The following TMC2 variants were observed in gnomAD, a reference collection of about 807,000 sequenced individuals.
TMC2 encodes the protein transmembrane channel like 2.
A neutral mutation model predicts 105.9 loss-of-function variants in TMC2; 102 were observed. The observed-to-expected ratio is 0.96, with a 90% confidence interval of 0.82 to 1.14. TMC2 has a LOEUF of 1.14. Among genes scored for constraint, TMC2 ranks in the 50% most tolerant of loss-of-function variants. The probability of loss-of-function intolerance (pLI) is 0.00; values close to 1 mark genes in which losing one functional copy is unlikely to be tolerated. For missense variants in TMC2, 1,093 were observed against 1,134.3 expected, an observed-to-expected ratio of 0.96 and a Z score of 0.52; for synonymous variants, 402 against 422.8, an observed-to-expected ratio of 0.95 and a Z score of 0.60.
At chr20:2,590,117 T>C (rs1019188806) in intron 7 of TMC2, among the ~76,000 whole-genome samples, 1 of 152,154 alleles carries the variant, frequency 6.6e-6, no homozygotes, top group African/African-American at 2.4e-5. Flanking sequence ...TCAATATCAA[T>C]GAATCTCAAA....
In TMC2 at chr20:2,558,555, G is replaced by A. The variant is rs1282184522; in HGVS notation, c.182G>A (p.Gly61Glu). ...GAQRSQKERA[G>E]GSPSPGSPRR... ...CAGCGAAGCCAGAAGGAGCGCGCCGGGGGCAGCCCAAGCCCGGGGTCTCCC... is the reference window on the plus strand; with the variant it reads ...CAGCGAAGCCAGAAGGAGCGCGCCGAGGGCAGCCCAAGCCCGGGGTCTCCC... The change falls in exon 3 of 20, where the codon GGG becomes GAG. Residue 61 changes from glycine to glutamate, a missense_variant. Gly to Glu is a moderately conservative substitution (Grantham distance 98, BLOSUM62 -2). Coordinates refer to ENST00000358864, the MANE Select transcript of TMC2 (RefSeq NM_080751.3). This position sits in a 1 kb window ranked among gnomAD's most constrained non-coding sequence, Gnocchi z 4.6. The A allele has an allele frequency of 6.4e-7, 1 of 1,553,146 alleles. No homozygotes were observed. The highest frequency in any genetic ancestry group is 8.7e-7 in the Non-Finnish European group (1 of 1,148,064).
At chr20:2,620,875 G>A (rs1252467686) in intron 16 of TMC2, among the ~76,000 whole-genome samples, 2 of 152,164 alleles carry the variant, frequency 1.3e-5, no homozygotes, top group Non-Finnish European at 2.9e-5. Context: ...TTTCAAAATT[G>A]CTTGGAACTG....
At chr20:2,550,158 C>G (rs917799454) in intron 2 of TMC2, among the ~76,000 whole-genome samples, 1 of 150,548 alleles carries the variant, frequency 6.6e-6, no homozygotes, top group African/African-American at 2.5e-5. Context: ...GCACTCCAGC[C>G]TGGGCAACAG....
At chr20:2,583,379 A>T (rs1027335649) in intron 7 of TMC2, among the ~76,000 whole-genome samples, 1 of 152,190 alleles carries the variant, frequency 6.6e-6, no homozygotes, top group African/African-American at 2.4e-5. Flanking sequence ...CCCACCTGGC[A>T]AGGAACTGAG....
chr20:2,619,020 A>C (rs2086505296), intron 16 of TMC2, among the ~76,000 whole-genome samples: 1 of 152,020 alleles, frequency 6.6e-6, no homozygotes, highest in Non-Finnish European at 1.5e-5. Context: ...TAAATTGTGC[A>C]CTCAGGGCCT....
chr20:2,625,811 C>A (rs956205650), intron 17 of TMC2, among the ~76,000 whole-genome samples: 8 of 152,198 alleles, frequency 5.3e-5, no homozygotes, highest in East Asian at 3.8e-4. Flanking sequence ...TTAGATCTTA[C>A]AGAATTGCTC....
At chr20:2,608,342 A>ATTG (rs1171627673) in intron 11 of TMC2, among the ~76,000 whole-genome samples, 1 of 142,456 alleles carries the variant, frequency 7.0e-6, no homozygotes, top group South Asian at 2.2e-4. Flanking sequence ...TATTATTATT[A>ATTG]TTTGAGATGA....
At chr20:2,588,259 C>T (rs1181436910) in intron 7 of TMC2, among the ~76,000 whole-genome samples, 1 of 152,118 alleles carries the variant, frequency 6.6e-6, no homozygotes, top group Non-Finnish European at 1.5e-5. Context: ...CCGCCATCTG[C>T]CACCCCGCAA....
intron 7 of TMC2, among the ~76,000 whole-genome samples, chr20:2,586,112 A>C (rs2086229558): frequency 1.3e-5 from 2 of 152,112 alleles, no homozygotes; most frequent in African/African-American, 4.8e-5. Context: ...AGGCCTCTAA[A>C]AATCTTATTC....
Position 2,636,007 on chromosome 20 carries a change from G to A in TMC2, c.2385+3G>A. 6.2e-7 allele frequency: 1 copy of A among 1,613,374 alleles called. No homozygotes were observed. On this transcript the variant is annotated splice_donor_region_variant and intron_variant, in intron 18 of 19. Coordinates refer to ENST00000358864, the MANE Select transcript of TMC2 (RefSeq NM_080751.3). ...AGCTGAGGAAGAAAATCCAAGTGGTGAGTCTGTTGGGAGTTTCATCCTGGA... is the reference window on the plus strand; with the variant it reads ...AGCTGAGGAAGAAAATCCAAGTGGTAAGTCTGTTGGGAGTTTCATCCTGGA...
chr20:2,547,909 C>T (rs577007602), intron 2 of TMC2, among the ~76,000 whole-genome samples: 55 of 152,340 alleles, frequency 3.6e-4, no homozygotes, highest in Non-Finnish European at 6.3e-4. Flanking sequence ...TTGTCCTTCA[C>T]TGTTCTCTTT....
chr20:2,584,300 C>T (rs926914662), intron 7 of TMC2, among the ~76,000 whole-genome samples: 5 of 147,052 alleles, frequency 3.4e-5, no homozygotes, highest in Admixed American at 2.6e-4. Flanking sequence ...AAAAATTAGC[C>T]GGGCGTAGTG....
intron 17 of TMC2, among the ~76,000 whole-genome samples, chr20:2,630,479 G>A (rs1227253683): frequency 1.3e-5 from 2 of 152,138 alleles, no homozygotes; most frequent in African/African-American, 2.4e-5. Context: ...GTCTTAATGT[G>A]TTTCCCATCC....
At chr20:2,632,612 CAG>C (rs777248732) in intron 17 of TMC2, among the ~76,000 whole-genome samples, 84 of 151,604 alleles carry the variant, frequency 5.5e-4, no homozygotes, top group Non-Finnish European at 9.9e-4. Context: ...TGTTTTTTTA[CAG>C]AGTCTCACTC....
rs560804985 is a variant in TMC2, at chr20:2,604,940, G to A, written c.1413+2639G>A. Among the ~76,000 whole-genome samples, 5 of 152,244 alleles carry A rather than the reference G, an allele frequency of 3.3e-5. No homozygotes were observed. The East Asian group carries it at 7.7e-4, about 24-fold the overall frequency. ...AATCTAGTAATTAAATTGTTTTCCT[G>A]AATGATTTGCTTACTCTAGCAAATG... On this transcript the variant is annotated intron_variant, in intron 11 of 19. Coordinates refer to ENST00000358864, the MANE Select transcript of TMC2 (RefSeq NM_080751.3).
chr20:2,618,045 G>A (rs2086497831), intron 16 of TMC2: 1 of 152,236 alleles, frequency 6.6e-6, no homozygotes, highest in African/African-American at 2.4e-5. Context: ...TGGGAACTTT[G>A]AAATTATACA....
At chr20:2,567,450 A>G (rs567003526) in intron 4 of TMC2, among the ~76,000 whole-genome samples, 1 of 152,268 alleles carries the variant, frequency 6.6e-6, no homozygotes, top group African/African-American at 2.4e-5. Context: ...ATCGCTTGCC[A>G]TACCAAGAAC....
At chr20:2,562,586 C>T (rs1161664977) in intron 4 of TMC2, among the ~76,000 whole-genome samples, 2 of 152,256 alleles carry the variant, frequency 1.3e-5, no homozygotes, top group African/African-American at 4.8e-5. Context: ...CTGTTTTCTA[C>T]TCAGCCACTT....
intron 7 of TMC2, 132 bp downstream of exon 7, chr20:2,580,188 A>C (rs2086179507): frequency 2.0e-6 from 1 of 507,086 alleles, no homozygotes. Flanking sequence ...CTGGTGCAAA[A>C]GTAATTGTTT....
Sources: gnomAD v4.1 joint callset for allele counts (sites outside exome capture counted in the v4.1 genomes callset) on GRCh38, gnomAD v4.1.1 for gene constraint, Gnocchi (gnomAD v3.1) non-coding constraint, MANE v1.5 for transcripts, NCBI Gene and HGNC (gene_info 2026-07-23, HGNC 2026-07-21) for gene names.